ERBB4: variants seen among roughly 807,000 people sequenced by gnomAD.
The protein encoded by ERBB4 is receptor tyrosine-protein kinase erbB-4.
ERBB4 carries 42 observed loss-of-function variants against 158.0 expected under a neutral mutation model. The observed-to-expected ratio is 0.27, with a 90% CI of 0.21 to 0.34. The LOEUF (loss-of-function observed/expected upper bound fraction) is 0.34, where lower values mean the gene tolerates loss of function less well. Ranked by LOEUF, ERBB4 falls within the 10% of genes least tolerant of loss-of-function variation. The pLI is 1.00. For synonymous variants in ERBB4, 583 were observed against 558.7 expected (o/e 1.04, Z -0.61); for missense variants, 1,333 against 1,624.1 (o/e 0.82, Z 3.08).
At chr2:212,028,550 C>T (rs1368182220) in intron 2 of ERBB4, among the ~76,000 whole-genome samples, 1 of 152,068 alleles carries the variant, frequency 6.6e-6, no homozygotes, top group East Asian at 1.9e-4. Context: ...ACTTTTGTTT[C>T]GTTGTTCCAT....
At position 211,672,302 on chromosome 2, in the gene ERBB4, T is replaced by C. The variant is rs1031923712; in HGVS notation, c.1716+862A>G. ...AATTATCCATTGAGAGAGGATTCAATAACACAGATAAACTGGAAATTTGTC... is the reference window on the plus strand; with the variant it reads ...AATTATCCATTGAGAGAGGATTCAACAACACAGATAAACTGGAAATTTGTC... On this transcript the variant is annotated intron_variant, in intron 14 of 27. Transcript: ENST00000342788. Among the ~76,000 whole-genome samples, 67 of 152,144 alleles carry C rather than the reference T, an allele frequency of 4.4e-4. 2 individuals are homozygous for C. Among genetic ancestry groups the C allele is most frequent in the African/African-American group, 1.5e-3 (61 of 41,426 alleles).
At chr2:212,457,965 TTAA>T (rs1197507651) in intron 1 of ERBB4, among the ~76,000 whole-genome samples, 3 of 151,988 alleles carry the variant, frequency 2.0e-5, no homozygotes, top group Non-Finnish European at 4.4e-5. Context: ...TTATTCAGAT[TTAA>T]TATTATTTAT....
intron 3 of ERBB4, among the ~76,000 whole-genome samples, chr2:211,870,387 A>G (rs564580099): frequency 1.6e-4 from 24 of 152,266 alleles, no homozygotes; most frequent in African/African-American, 5.5e-4. Context: ...CTAATCATTC[A>G]TATTCTAGAC....
chr2:212,148,461 C>T (rs1400500761), intron 1 of ERBB4, among the ~76,000 whole-genome samples: 1 of 151,904 alleles, frequency 6.6e-6, no homozygotes, highest in East Asian at 1.9e-4. Flanking sequence ...GCATTATTTC[C>T]CTTTACTATC....
intron 2 of ERBB4, among the ~76,000 whole-genome samples, chr2:212,015,135 G>A (rs1266333682): frequency 2.9e-5 from 4 of 137,022 alleles, no homozygotes; most frequent in South Asian, 2.3e-4. Context: ...GCATGGTGGC[G>A]GGTGCCTGTA....
intron 19 of ERBB4, among the ~76,000 whole-genome samples, chr2:211,584,824 T>C (rs935613781): frequency 1.1e-4 from 17 of 151,938 alleles, no homozygotes; most frequent in African/African-American, 4.1e-4. Flanking sequence ...ATATATACCA[T>C]GAAATCCAGT....
intron 1 of ERBB4, among the ~76,000 whole-genome samples, chr2:212,265,876 T>C (rs1249205604): frequency 2.0e-5 from 3 of 152,062 alleles, no homozygotes; most frequent in East Asian, 1.9e-4. Flanking sequence ...GGTCCTTTTA[T>C]GAATCAAAGT....
intron 1 of ERBB4, among the ~76,000 whole-genome samples, chr2:212,493,772 T>A (rs1394762175): frequency 6.6e-6 from 1 of 151,798 alleles, no homozygotes; most frequent in African/African-American, 2.4e-5. Context: ...TTATGTAATG[T>A]CTTCATTACA....
intron 4 of ERBB4, among the ~76,000 whole-genome samples, chr2:211,759,753 T>A (rs552708276): frequency 6.6e-6 from 1 of 151,332 alleles, no homozygotes; most frequent in South Asian, 2.1e-4. Context: ...CATAAAAACA[T>A]GAAAGAAGAA....
At chr2:212,435,756 C>CA (rs1446480941) in intron 1 of ERBB4, among the ~76,000 whole-genome samples, 1 of 151,830 alleles carries the variant, frequency 6.6e-6, no homozygotes. Flanking sequence ...GATAAGAAAA[C>CA]ATAGTCTTAA....
intron 9 of ERBB4, among the ~76,000 whole-genome samples, chr2:211,711,026 G>GT (rs949710865): frequency 7.1e-6 from 1 of 141,394 alleles, no homozygotes; most frequent in Non-Finnish European, 1.5e-5. Context: ...TAAAAGGCAA[G>GT]TAAAAAAAAA....
intron 1 of ERBB4, among the ~76,000 whole-genome samples, chr2:212,383,120 T>G (rs1280076940): frequency 6.6e-6 from 1 of 151,408 alleles, no homozygotes; most frequent in Non-Finnish European, 1.5e-5. Context: ...CAAGTGTGTT[T>G]ACCTTTTTCT....
chr2:212,244,066 T>G (rs1265116618), intron 1 of ERBB4, among the ~76,000 whole-genome samples: 1 of 151,844 alleles, frequency 6.6e-6, no homozygotes. Flanking sequence ...CTAGGGGAGG[T>G]CCTAGCAGTG....
intron 2 of ERBB4, among the ~76,000 whole-genome samples, chr2:212,104,960 A>T (rs2079182783): frequency 6.6e-6 from 1 of 152,172 alleles, no homozygotes; most frequent in Admixed American, 6.5e-5. Context: ...AATGTTAACG[A>T]ATTTGCCCAA....
intron 20 of ERBB4, among the ~76,000 whole-genome samples, chr2:211,447,012 A>G (rs1290535279): frequency 6.6e-6 from 1 of 152,142 alleles, no homozygotes; most frequent in African/African-American, 2.4e-5. Context: ...GCGTAAAACA[A>G]CAAAGCAACA....
intron 2 of ERBB4, among the ~76,000 whole-genome samples, chr2:212,015,414 G>C (rs1000815300): frequency 3.3e-5 from 5 of 151,816 alleles, no homozygotes; most frequent in Non-Finnish European, 7.4e-5. Context: ...CCTATATCAG[G>C]GCTTTCAAGG....
At chr2:211,421,604 C>G (rs953115512) in intron 24 of ERBB4, among the ~76,000 whole-genome samples, 3 of 151,652 alleles carry the variant, frequency 2.0e-5, no homozygotes, top group African/African-American at 7.3e-5. Flanking sequence ...TATACTGAAA[C>G]TTTTGATTCA....
At chr2:212,482,255 G>A (rs923877798) in intron 1 of ERBB4, among the ~76,000 whole-genome samples, 1 of 152,092 alleles carries the variant, frequency 6.6e-6, no homozygotes, top group African/African-American at 2.4e-5. Flanking sequence ...CCACCATGCC[G>A]CTGATTGAAT....
At chr2:211,415,107 CTTTTTT>C (rs71047175) in intron 25 of ERBB4, among the ~76,000 whole-genome samples, 500 of 72,436 alleles carry the variant, frequency 6.9e-3, no homozygotes, top group Middle Eastern at 0.038. Flanking sequence ...CTTACATTTT[CTTTTTT>C]TTTTTTTTTT....
Sources: gnomAD v4.1 joint callset for allele counts (sites outside exome capture counted in the v4.1 genomes callset) on GRCh38, gnomAD v4.1.1 for gene constraint, MANE v1.5 for transcripts, NCBI Gene and HGNC (gene_info 2026-07-23, HGNC 2026-07-21) for gene names.